The following PLA2G12B variants were observed in gnomAD, a reference collection of about 807,000 sequenced individuals.
PLA2G12B encodes group XIIB secretory phospholipase A2-like protein.
PLA2G12B carries 19 observed loss-of-function variants against 22.3 expected under a neutral mutation model. The ratio of observed to expected loss-of-function variants is 0.85; its 90% confidence interval spans 0.60 to 1.25. The LOEUF (loss-of-function observed/expected upper bound fraction) is 1.25, where lower values mean the gene tolerates loss of function less well. PLA2G12B is among the 50% of genes most tolerant of loss of function. The pLI, the probability that PLA2G12B is intolerant of heterozygous loss-of-function variation, is 0.00. For synonymous variants in PLA2G12B, 81 were observed against 94.9 expected (o/e 0.85, Z 0.85); for missense variants, 191 against 246.6 (o/e 0.77, Z 1.51).
At chr10:72,954,053 C>T (rs781073975) in intron 1 of PLA2G12B, among the ~76,000 whole-genome samples, 19 of 152,142 alleles carry the variant, frequency 1.2e-4, no homozygotes, top group Non-Finnish European at 2.1e-4. Context: ...TCTGAATGTT[C>T]GGCTTCAGTT....
intron 1 of PLA2G12B, among the ~76,000 whole-genome samples, chr10:72,953,233 T>C (rs1452368378): frequency 6.6e-6 from 1 of 152,202 alleles, no homozygotes; most frequent in Non-Finnish European, 1.5e-5. Flanking sequence ...GGTTAAAACA[T>C]AGATTTTAAC....
chr10:72,944,534 T>G (rs1342964074), intron 1 of PLA2G12B, among the ~76,000 whole-genome samples: 1 of 152,220 alleles, frequency 6.6e-6, no homozygotes, highest in Admixed American at 6.5e-5. Flanking sequence ...TGGAGACAAC[T>G]GCCTTTCTTA....
chr10:72,935,728 A>G lies in PLA2G12B; in HGVS notation c.477T>C (p.Asp159=), dbSNP rs1408817797. ...GFVSKVEAAC[D]SLVDTVFNTV... Reference sequence around the variant, plus strand: ...TGTTGAACACAGTGTCAACCAGGGAATCACAGGCTGCTTGAAAAAGATGAA... The same window carrying G: ...TGTTGAACACAGTGTCAACCAGGGAGTCACAGGCTGCTTGAAAAAGATGAA... Residue 159 remains aspartate (D), a synonymous_variant, in exon 4 of 4, where the codon GAT becomes GAC. Coordinates refer to ENST00000373032, the MANE Select transcript of PLA2G12B (RefSeq NM_032562.5). 6.2e-7 allele frequency: 1 copy of G among 1,613,644 alleles called. No homozygotes were observed. Among genetic ancestry groups the G allele is most frequent in the African/African-American group, 1.3e-5 (1 of 74,938 alleles).
chr10:72,951,007 G>A (rs1035108755), intron 1 of PLA2G12B, among the ~76,000 whole-genome samples: 2 of 152,062 alleles, frequency 1.3e-5, no homozygotes, highest in African/African-American at 2.4e-5. Context: ...TCATTTTTAC[G>A]TTGAAAGAGA....
intron 3 of PLA2G12B, among the ~76,000 whole-genome samples, chr10:72,940,152 C>T (rs910578986): frequency 6.6e-6 from 1 of 152,142 alleles, no homozygotes; most frequent in Admixed American, 6.5e-5. Context: ...GCCCTCACAC[C>T]TTCACCTCCA....
At chr10:72,939,316 A>G (rs1412661453) in intron 3 of PLA2G12B, among the ~76,000 whole-genome samples, 1 of 152,250 alleles carries the variant, frequency 6.6e-6, no homozygotes, top group African/African-American at 2.4e-5. Flanking sequence ...TGGGCCATCA[A>G]CCCAAGGAGT....
At chr10:72,952,379 A>G (rs1378290312) in intron 1 of PLA2G12B, among the ~76,000 whole-genome samples, 1 of 152,236 alleles carries the variant, frequency 6.6e-6, no homozygotes, top group African/African-American at 2.4e-5. Flanking sequence ...CTGTAGCCCA[A>G]GCTAACTGGG....
intron 2 of PLA2G12B, among the ~76,000 whole-genome samples, chr10:72,941,880 A>T (rs1185724231): frequency 1.3e-5 from 2 of 150,978 alleles, no homozygotes; most frequent in African/African-American, 4.9e-5. Flanking sequence ...ACAGCTCCTG[A>T]TCACAAGAGG....
rs1846382337 is a variant in PLA2G12B at position 72,942,703 on chromosome 10, T to C, written c.249A>G (p.Gln83=). 6.2e-7 allele frequency: 1 copy of C among 1,608,126 alleles called. No individual in the cohort carries two copies. Among genetic ancestry groups the C allele is most frequent in the Non-Finnish European group, 8.5e-7 (1 of 1,177,170 alleles). ...APMPRPGYKP[Q]EPNGCGSYFL... is the part of the protein sequence containing the mutation. ...AATAGGAGCCGCAGCCATTGGGCTCTTGGGGCTTGTAGCCAGGTCTGGGCA... is the reference window on the plus strand; with the variant it reads ...AATAGGAGCCGCAGCCATTGGGCTCCTGGGGCTTGTAGCCAGGTCTGGGCA... Residue 83 remains glutamine (Q), a synonymous_variant, in exon 2 of 4, where the codon CAA becomes CAG. Coordinates refer to ENST00000373032, the MANE Select transcript of PLA2G12B (RefSeq NM_032562.5).
At chr10:72,951,484 G>T (rs1277133735) in intron 1 of PLA2G12B, among the ~76,000 whole-genome samples, 2 of 136,396 alleles carry the variant, frequency 1.5e-5, no homozygotes, top group East Asian at 4.2e-4. Flanking sequence ...TTGAGGTGGA[G>T]TCTCGCTCTG....
chr10:72,943,273 A>AG (rs762984901), intron 1 of PLA2G12B, among the ~76,000 whole-genome samples: 62 of 152,238 alleles, frequency 4.1e-4, no homozygotes, highest in Admixed American at 1.0e-3. Context: ...ATAAGCACTT[A>AG]TTTACTGACA....
At chr10:72,950,079 A>T (rs1846505312) in intron 1 of PLA2G12B, among the ~76,000 whole-genome samples, 1 of 152,238 alleles carries the variant, frequency 6.6e-6, no homozygotes, top group Non-Finnish European at 1.5e-5. Context: ...AATGGAACAC[A>T]GCAGGACAGA....
chr10:72,948,411 G>A (rs1284716678), intron 1 of PLA2G12B, among the ~76,000 whole-genome samples: 4 of 152,206 alleles, frequency 2.6e-5, no homozygotes, highest in East Asian at 1.9e-4. Flanking sequence ...ATTTAGAAAC[G>A]AAGCTGAAAA....
chr10:72,953,230 ACATAGATTTTAAC>A (rs1846561231), intron 1 of PLA2G12B, among the ~76,000 whole-genome samples: 1 of 152,220 alleles, frequency 6.6e-6, no homozygotes, highest in East Asian at 1.9e-4. Context: ...GATGGTTAAA[ACATAGATTTTAAC>A]CATAGATTGT....
Position 72,950,722 on chromosome 10 carries a change from C to T in PLA2G12B, c.211+3753G>A, listed in dbSNP as rs558291335. Among the ~76,000 whole-genome samples the T allele has an allele frequency of 8.5e-5, 13 of 152,274 alleles. No homozygotes were observed. In the South Asian group the frequency reaches 1.7e-3, roughly 19 times the overall value. On this transcript the variant is annotated intron_variant, in intron 1 of 3. Coordinates refer to ENST00000373032, the MANE Select transcript of PLA2G12B (RefSeq NM_032562.5). Reference sequence around the variant, plus strand: ...CTCAAACTCCTGACCTCAAATGATCCGCCGGCCTCAGCCTCCCAAAGTGCT... The same window carrying T: ...CTCAAACTCCTGACCTCAAATGATCTGCCGGCCTCAGCCTCCCAAAGTGCT...
chr10:72,952,534 A>T (rs1179601871), intron 1 of PLA2G12B, among the ~76,000 whole-genome samples: 1 of 152,224 alleles, frequency 6.6e-6, no homozygotes, highest in Non-Finnish European at 1.5e-5. Context: ...AAAGACGAGC[A>T]CGGTGCATGA....
intron 3 of PLA2G12B, among the ~76,000 whole-genome samples, chr10:72,936,192 C>T (rs901798676): frequency 6.6e-6 from 1 of 152,172 alleles, no homozygotes; most frequent in Non-Finnish European, 1.5e-5. Flanking sequence ...TGGTTAGCCA[C>T]TGTCTTAGGA....
At chr10:72,948,916 C>T (rs991432357) in intron 1 of PLA2G12B, among the ~76,000 whole-genome samples, 2 of 152,192 alleles carry the variant, frequency 1.3e-5, no homozygotes, top group African/African-American at 4.8e-5. Context: ...AAGAGCTCTA[C>T]CTGCCAGCGG....
intron 3 of PLA2G12B, among the ~76,000 whole-genome samples, chr10:72,936,314 A>G (rs1846279507): frequency 6.6e-6 from 1 of 152,202 alleles, no homozygotes; most frequent in Non-Finnish European, 1.5e-5. Flanking sequence ...AATAACCTCA[A>G]GGTGGTATGG....
Sources: allele counts gnomAD v4.1 joint callset (sites outside exome capture counted in the v4.1 genomes callset), GRCh38; gene constraint gnomAD v4.1.1; transcripts MANE v1.5; gene names NCBI Gene and HGNC (gene_info 2026-07-23, HGNC 2026-07-21).